The following SH3PXD2A variants were observed in gnomAD, a reference collection of about 807,000 sequenced individuals.
SH3PXD2A encodes the protein SH3 and PX domains 2A.
In SH3PXD2A, 32 loss-of-function variants were observed where a neutral mutation model predicts 115.2. That is an observed-to-expected ratio of 0.28 (90% CI 0.21 to 0.37). SH3PXD2A has a LOEUF of 0.37. Among genes scored for constraint, SH3PXD2A ranks in the 10% least tolerant of loss-of-function variants. The probability of loss-of-function intolerance (pLI) is 1.00; values close to 1 mark genes in which losing one functional copy is unlikely to be tolerated. For missense variants in SH3PXD2A, 1,328 were observed against 1,498.7 expected (o/e 0.89, Z 1.88); for synonymous variants, 610 against 629.1 (o/e 0.97, Z 0.45).
intron 4 of SH3PXD2A, among the ~76,000 whole-genome samples, chr10:103,731,317 C>T (rs897230136): frequency 1.4e-4 from 21 of 152,088 alleles, no homozygotes; most frequent in African/African-American, 3.6e-4. Flanking sequence ...TGCACTACCA[C>T]GCCCAGCTAC....
At chr10:103,814,025 A>AC (rs1564895813) in intron 1 of SH3PXD2A, among the ~76,000 whole-genome samples, 8 of 151,798 alleles carry the variant, frequency 5.3e-5, no homozygotes, top group African/African-American at 1.9e-4. Flanking sequence ...ACAACAAAAA[A>AC]AAAACCACAC....
intron 8 of SH3PXD2A, among the ~76,000 whole-genome samples, chr10:103,657,030 T>A (rs1387862717): frequency 6.6e-6 from 1 of 151,704 alleles, no homozygotes; most frequent in Non-Finnish European, 1.5e-5. Flanking sequence ...ACAACTCAAC[T>A]GGGACTAAAG....
chr10:103,729,936 G>C (rs2038294234), intron 4 of SH3PXD2A, among the ~76,000 whole-genome samples: 1 of 152,190 alleles, frequency 6.6e-6, no homozygotes, highest in African/African-American at 2.4e-5. Context: ...CAATGATGCA[G>C]GTGTAAACAA....
chr10:103,672,795 A>G (rs563766744), intron 6 of SH3PXD2A, among the ~76,000 whole-genome samples: 1 of 152,364 alleles, frequency 6.6e-6, no homozygotes, highest in Admixed American at 6.5e-5. Flanking sequence ...AGTAAGTGGT[A>G]GGGACAAAGC....
At chr10:103,719,699 C>CT (rs1225953343) in intron 5 of SH3PXD2A, among the ~76,000 whole-genome samples, 104 of 141,416 alleles carry the variant, frequency 7.4e-4, no homozygotes, top group African/African-American at 2.6e-3. Flanking sequence ...TAGGTAATTT[C>CT]TTTTTCTTTT....
At chr10:103,782,938 G>GCC (rs1361074687) in intron 2 of SH3PXD2A, among the ~76,000 whole-genome samples, 1 of 148,686 alleles carries the variant, frequency 6.7e-6, no homozygotes, top group Non-Finnish European at 1.5e-5. Flanking sequence ...TGCCTTGGGG[G>GCC]GGGGGGCTCT....
At chr10:103,617,168 A>T (rs2036531584) in intron 11 of SH3PXD2A, 29 bp downstream of exon 11, 2 of 1,491,560 alleles carry the variant, frequency 1.3e-6, no homozygotes, top group Admixed American at 1.7e-5. Flanking sequence ...GGCGAGAGGC[A>T]TCTCGTTCAT....
intron 2 of SH3PXD2A, among the ~76,000 whole-genome samples, chr10:103,772,250 G>A (rs1774746110): frequency 6.6e-6 from 1 of 152,206 alleles, no homozygotes; most frequent in African/African-American, 2.4e-5. Context: ...TGCAAAGCGG[G>A]CTCTAACCTG....
intron 1 of SH3PXD2A, among the ~76,000 whole-genome samples, chr10:103,822,619 C>T (rs1293198371): frequency 6.6e-6 from 1 of 152,252 alleles, no homozygotes; most frequent in African/African-American, 2.4e-5. Context: ...AGGGCAGCCT[C>T]TTCCCAGGGA....
rs568981217 is a variant in SH3PXD2A at position 103,781,948 on chromosome 10, C to G, written c.154-14779G>C. On this transcript the variant is annotated intron_variant, in intron 2 of 14. Transcript: ENST00000369774. ...ACATCAGCATGCCTGACACATGACC[C>G]TCAAGCTCAGAGGAACCAACGATGG... is the stretch of plus-strand genomic sequence containing the variant. Among the ~76,000 whole-genome samples the G allele has an allele frequency of 2.0e-5, 3 of 152,304 alleles. No homozygotes were observed. The East Asian group carries it at 5.8e-4, about 29-fold the overall frequency.
intron 3 of SH3PXD2A, among the ~76,000 whole-genome samples, chr10:103,757,262 G>A (rs2134213093): frequency 6.6e-6 from 1 of 152,296 alleles, no homozygotes; most frequent in South Asian, 2.1e-4. Context: ...CAAGCAAGGT[G>A]ATCCCTGATT....
intron 1 of SH3PXD2A, among the ~76,000 whole-genome samples, chr10:103,822,547 TG>T (rs373325314): frequency 0.021 from 3,269 of 152,182 alleles, 132 homozygotes; most frequent in African/African-American, 0.075. Context: ...GAGGGCATGG[TG>T]GGGGGGGAGC....
At chr10:103,812,233 C>G (rs774261323) in intron 1 of SH3PXD2A, among the ~76,000 whole-genome samples, 10 of 152,208 alleles carry the variant, frequency 6.6e-5, no homozygotes, top group Admixed American at 1.3e-4. Flanking sequence ...CTCGAGCCAG[C>G]AGGCACTCCA....
chr10:103,639,179 G>T (rs1388209248), intron 8 of SH3PXD2A, among the ~76,000 whole-genome samples: 1 of 152,156 alleles, frequency 6.6e-6, no homozygotes, highest in African/African-American at 2.4e-5. Flanking sequence ...TGCTTGCCAA[G>T]GAACCAGAGA....
At chr10:103,674,422 G>GC (rs2037501539) in intron 6 of SH3PXD2A, among the ~76,000 whole-genome samples, 3 of 152,220 alleles carry the variant, frequency 2.0e-5, no homozygotes, top group African/African-American at 7.2e-5. Flanking sequence ...GAAACAGGTT[G>GC]TCATGCTCAG....
At chr10:103,831,268 C>G (rs1180524404) in intron 1 of SH3PXD2A, among the ~76,000 whole-genome samples, 5 of 152,272 alleles carry the variant, frequency 3.3e-5, no homozygotes, top group African/African-American at 9.6e-5. Flanking sequence ...ATTAACTGTA[C>G]AGAATTCCAT....
At chr10:103,814,025 A>AAAC (rs1564895815) in intron 1 of SH3PXD2A, among the ~76,000 whole-genome samples, 8 of 151,874 alleles carry the variant, frequency 5.3e-5, no homozygotes, top group African/African-American at 1.9e-4. Context: ...ACAACAAAAA[A>AAAC]AAAACCACAC....
At chr10:103,681,764 G>A (rs546837220) in intron 6 of SH3PXD2A, among the ~76,000 whole-genome samples, 6 of 151,822 alleles carry the variant, frequency 4.0e-5, no homozygotes, top group African/African-American at 7.3e-5. Flanking sequence ...GCGCCCGCGC[G>A]CGCGCGCGCA....
chr10:103,767,789 T>C (rs1456757555), intron 2 of SH3PXD2A, among the ~76,000 whole-genome samples: 1 of 149,422 alleles, frequency 6.7e-6, no homozygotes, highest in African/African-American at 2.5e-5. Flanking sequence ...GTTTCCAGGG[T>C]TCTGGAGGAA....
Sources: gnomAD v4.1 joint callset for allele counts (sites outside exome capture counted in the v4.1 genomes callset) on GRCh38, gnomAD v4.1.1 for gene constraint, MANE v1.5 for transcripts, NCBI Gene and HGNC (gene_info 2026-07-23, HGNC 2026-07-21) for gene names.